Variants in CPLANE1 observed in about 807,000 individuals in gnomAD.
The protein encoded by CPLANE1 is ciliogenesis and planar polarity effector 1.
A neutral mutation model predicts 362.5 loss-of-function variants in CPLANE1; 263 were observed. The observed-to-expected ratio is 0.73, with a 90% CI of 0.66 to 0.80. The LOEUF is 0.80. Among genes scored for constraint, CPLANE1 ranks in the 30% least tolerant of loss-of-function variants. CPLANE1 has a pLI of 0.00. For missense variants in CPLANE1, 3,461 were observed against 3,793.4 expected, an observed-to-expected ratio of 0.91 and a Z score of 2.30; for synonymous variants, 1,212 against 1,302.6, an observed-to-expected ratio of 0.93 and a Z score of 1.50.
chr5:37,190,279 T>C (rs1391696748), intron 21 of CPLANE1, among the ~76,000 whole-genome samples: 1 of 151,856 alleles, frequency 6.6e-6, no homozygotes, highest in South Asian at 2.1e-4. Flanking sequence ...TAGATTAAGA[T>C]GGACTTATAG....
intron 36 of CPLANE1, among the ~76,000 whole-genome samples, chr5:37,164,676 T>C (rs1285437307): frequency 6.6e-6 from 1 of 152,224 alleles, no homozygotes; most frequent in Non-Finnish European, 1.5e-5. Context: ...TAAGTGCCTC[T>C]AAACATGCTC....
intron 19 of CPLANE1, among the ~76,000 whole-genome samples, chr5:37,199,574 G>C (rs527957210): frequency 6.6e-6 from 1 of 152,184 alleles, no homozygotes; most frequent in Non-Finnish European, 1.5e-5. Context: ...TATGGCCACA[G>C]TGTTCACACT....
Position 37,170,144 on chromosome 5 carries a change from T to G in CPLANE1, c.6359A>C (p.Lys2120Thr), listed in dbSNP as rs150835516. 41 of 1,614,048 alleles carry G rather than the reference T, an allele frequency of 2.5e-5. No homozygotes were observed. Among genetic ancestry groups the G allele is most frequent in the Non-Finnish European group, 3.3e-5 (39 of 1,180,040 alleles). The change falls in exon 33 of 53, where the codon AAA (lysine) becomes ACA (threonine). Residue 2120 changes from lysine to threonine, a missense_variant. Transcript: ENST00000651892. ...NKNLKERFFI[K>T]PQSMGENARE... is the part of the protein sequence containing the mutation. Reference sequence around the variant, plus strand: ...GGCGTTCTCTCCCATTGACTGTGGTTTAATAAAAAATCTCTCCTTAAGATT... The same window carrying G: ...GGCGTTCTCTCCCATTGACTGTGGTGTAATAAAAAATCTCTCCTTAAGATT...
chr5:37,208,687 C>CA (rs35854295), intron 16 of CPLANE1, among the ~76,000 whole-genome samples: 34 of 87,012 alleles, frequency 3.9e-4, no homozygotes, highest in Non-Finnish European at 6.1e-4. Flanking sequence ...CCCCCCCCCC[C>CA]AAAAAAAAAA....
At chr5:37,077,392 C>A in the CPLANE1 span, among the ~76,000 whole-genome samples, 1 of 152,058 alleles carries the variant, frequency 6.6e-6, no homozygotes, top group Non-Finnish European at 1.5e-5. Context: ...CTTTCTCCAC[C>A]CTGTTACGTC....
chr5:37,201,173 A>G (rs1382708528), intron 19 of CPLANE1, among the ~76,000 whole-genome samples: 1 of 152,210 alleles, frequency 6.6e-6, no homozygotes, highest in East Asian at 1.9e-4. Flanking sequence ...GACTGAAATA[A>G]TGTATGGCTT....
chr5:37,243,810 T>C (rs1031636297), intron 5 of CPLANE1, among the ~76,000 whole-genome samples: 1 of 147,152 alleles, frequency 6.8e-6, no homozygotes, highest in African/African-American at 2.5e-5. Flanking sequence ...TAATATATAA[T>C]ATATACGATA....
At chr5:37,132,370 A>T in intron 46 of CPLANE1, among the ~76,000 whole-genome samples, 1 of 116,040 alleles carries the variant, frequency 8.6e-6, no homozygotes, top group African/African-American at 3.3e-5. Flanking sequence ...TTTGAGACAG[A>T]GTCTTGCTCT....
chr5:37,076,475 C>A, the CPLANE1 span, among the ~76,000 whole-genome samples: 3 of 152,078 alleles, frequency 2.0e-5, no homozygotes, highest in African/African-American at 7.2e-5. Flanking sequence ...CTACGCCTGG[C>A]TAATTTTTGT....
the CPLANE1 span, among the ~76,000 whole-genome samples, chr5:37,079,704 A>C: frequency 6.6e-6 from 1 of 152,210 alleles, no homozygotes; most frequent in Non-Finnish European, 1.5e-5. Context: ...CAGATGCTGA[A>C]CACACATGAA....
At position 37,201,561 on chromosome 5, in the gene CPLANE1, T is replaced by C. The variant is rs1346877305; in HGVS notation, c.3507+30A>G. On this transcript the variant is annotated intron_variant, in intron 19 of 52. Transcript: ENST00000651892. Reference sequence around the variant, plus strand: ...AAAACTTGACAAAATCAACTTTAAATTAATTTAAAAGTTAATGCTATAAGC... The same window carrying C: ...AAAACTTGACAAAATCAACTTTAAACTAATTTAAAAGTTAATGCTATAAGC... 4 of 1,520,332 alleles carry C rather than the reference T, an allele frequency of 2.6e-6. No individual in the cohort carries two copies. The South Asian group carries it at 3.6e-5, about 14-fold the overall frequency. The allele number at this position is 1,520,332 out of a possible 1,614,324, so 94.2% of individuals were successfully genotyped here.
At chr5:37,148,610 C>T (rs1772472747) in intron 42 of CPLANE1, among the ~76,000 whole-genome samples, 1 of 152,190 alleles carries the variant, frequency 6.6e-6, no homozygotes, top group African/African-American at 2.4e-5. Context: ...ACGGTCAACC[C>T]AGGTCTTCAA....
intron 46 of CPLANE1, among the ~76,000 whole-genome samples, chr5:37,135,167 T>C (rs1171791472): frequency 2.0e-5 from 3 of 152,216 alleles, no homozygotes; most frequent in Non-Finnish European, 4.4e-5. Context: ...TTTTCATTTA[T>C]TTCAAATAAT....
chr5:37,138,844 A>C lies in CPLANE1; in HGVS notation c.8668T>G (p.Ser2890Ala). Residue 2890 changes from serine to alanine, a missense_variant, in exon 46 of 53, where the codon TCA becomes GCA. Transcript: ENST00000651892. ...CCAGTCATCTGGAGCGGATGTACTG[A>C]AACACTTCATTTGCAAATGTAATTT... ...NSSDELCESV[S>A]VHPLQMTGLT... 1 of 1,601,864 alleles carries C rather than the reference A, an allele frequency of 6.2e-7. No individual in the cohort carries two copies.
intron 49 of CPLANE1, 89 bp from the exon 50 acceptor site, chr5:37,120,429 G>A: frequency 4.4e-6 from 5 of 1,130,610 alleles, no homozygotes; most frequent in Non-Finnish European, 6.1e-6. Context: ...ATTAAGCTGG[G>A]CACAGTAGTG....
chr5:37,162,504 C>T lies in CPLANE1; in HGVS notation c.7651G>A (p.Ala2551Thr). ...LHFMASVKKK[A>T]IGSQDASTNT... Reference sequence around the variant, plus strand: ...GTACTTGCATCTTGACTTCCTATAGCTTTCTTTTTTACAGAGGCCATGAAA... The same window carrying T: ...GTACTTGCATCTTGACTTCCTATAGTTTTCTTTTTTACAGAGGCCATGAAA... The change falls in exon 38 of 53, where the codon GCT becomes ACT. Residue 2551 changes from alanine (A) to threonine (T), a missense_variant. Physicochemically the swap from Ala to Thr is moderately conservative, Grantham distance 58 (BLOSUM62 0). Coordinates refer to ENST00000651892, the MANE Select transcript of CPLANE1 (RefSeq NM_001384732.1). 1 of 1,613,006 alleles carries T rather than the reference C, an allele frequency of 6.2e-7. No individual in the cohort carries two copies. The highest frequency in any genetic ancestry group is 2.2e-5 in the East Asian group (1 of 44,854).
intron 12 of CPLANE1, among the ~76,000 whole-genome samples, chr5:37,225,785 G>A (rs546076471): frequency 7.3e-5 from 11 of 150,140 alleles, no homozygotes; most frequent in South Asian, 4.2e-4. Context: ...CCCAGGAGGC[G>A]GAGGTTGCAG....
Position 37,140,680 on chromosome 5 carries a change from G to C in CPLANE1, c.8633-1310C>G, listed in dbSNP as rs1327643241. The C allele has an allele frequency of 3.0e-6, 3 of 985,296 alleles. No homozygotes were observed. In the East Asian group the frequency reaches 3.4e-4, roughly 112 times the overall value. The allele number at this position is 985,296 out of a possible 1,614,324, so 61.0% of individuals were successfully genotyped here. On this transcript the variant is annotated intron_variant, in intron 44 of 52. Coordinates refer to ENST00000651892, the MANE Select transcript of CPLANE1 (RefSeq NM_001384732.1). ...GGGCTGCATATGGGGAAGTAGGTGA[G>C]ATTAGCGAAGATGGTGACCTCTTGG...
chr5:37,169,058 T>C lies in CPLANE1; in HGVS notation c.6966A>G (p.Gly2322=), dbSNP rs1159785434. The change falls in exon 34 of 53, where the codon GGA becomes GGG. Residue 2322 remains glycine (G), a synonymous_variant. Transcript: ENST00000651892. ...CCTGTTGAGGTGTCAAATTTTCTTG[T>C]CCAACATATTGATCCAAGTTCACAT... ...PNHVNLDQYV[G]QENLTPQQDS... 1 of 1,614,230 alleles carries C rather than the reference T, an allele frequency of 6.2e-7. No individual in the cohort carries two copies. The highest frequency in any genetic ancestry group is 8.5e-7 in the Non-Finnish European group (1 of 1,180,040).
Sources: allele counts gnomAD v4.1 joint callset (sites outside exome capture counted in the v4.1 genomes callset), GRCh38; gene constraint gnomAD v4.1.1; transcripts MANE v1.5; gene names NCBI Gene and HGNC (gene_info 2026-07-23, HGNC 2026-07-21).